Variants in TBC1D32 observed in about 807,000 individuals in gnomAD.
The protein encoded by TBC1D32 is TBC1 domain family member 32.
A neutral mutation model predicts 170.3 loss-of-function variants in TBC1D32; 151 were observed. The observed-to-expected ratio is 0.89, with a 90% CI of 0.78 to 1.01. TBC1D32 has a LOEUF of 1.01. TBC1D32 is among the 50% of genes least tolerant of loss of function. The probability of loss-of-function intolerance (pLI) is 0.00; values close to 1 mark genes in which losing one functional copy is unlikely to be tolerated. For missense variants in TBC1D32, 1,464 were observed against 1,457.1 expected (o/e 1.00, Z -0.08); for synonymous variants, 498 against 488.0 (o/e 1.02, Z -0.27).
chr6:121,144,199 T>A (rs1239691177), intron 24 of TBC1D32, among the ~76,000 whole-genome samples: 4 of 152,104 alleles, frequency 2.6e-5, no homozygotes, highest in Non-Finnish European at 2.9e-5. Flanking sequence ...AAATAAGGCT[T>A]AAGATAGTAC....
In TBC1D32 at chr6:121,321,491, G is replaced by A. The variant is rs78929676; in HGVS notation, c.317+142C>T. The A allele has an allele frequency of 5.5e-3, 4,114 of 752,600 alleles. 153 individuals carry two copies. In the African/African-American group the frequency reaches 0.067, roughly 12 times the overall value. The allele number at this position is 752,600 out of a possible 1,614,324, so 46.6% of individuals were successfully genotyped here. On this transcript the variant is annotated intron_variant, in intron 2 of 31. Transcript: ENST00000398212. The stretch of plus-strand genomic sequence containing the variant: ...AGCCTTTGGAGAGTCTGGGTGAAAG[G>A]GTGTCATGATCTGACTCATTGTTTT...
chr6:121,139,302 T>C (rs1029836118), intron 24 of TBC1D32, among the ~76,000 whole-genome samples: 2 of 152,230 alleles, frequency 1.3e-5, no homozygotes, highest in African/African-American at 4.8e-5. Flanking sequence ...TTTCATTATT[T>C]TATCAAAATG....
intron 31 of TBC1D32, 86 bp from the exon 32 acceptor site, chr6:121,080,976 T>A (rs555119428): frequency 6.7e-7 from 1 of 1,496,326 alleles, no homozygotes. Flanking sequence ...TGATATACCA[T>A]TTATTTTCAG....
chr6:121,092,899 C>G (rs1054808708), intron 30 of TBC1D32, among the ~76,000 whole-genome samples: 2 of 152,054 alleles, frequency 1.3e-5, no homozygotes, highest in Non-Finnish European at 2.9e-5. Flanking sequence ...TCAGCCTATA[C>G]CAGAGGGTAT....
At chr6:121,334,160 A>C (rs981309179) in intron 1 of TBC1D32, 116 bp downstream of exon 1, 1 of 793,592 alleles carries the variant, frequency 1.3e-6, no homozygotes, top group African/African-American at 1.8e-5. Flanking sequence ...AGAAAAAGTA[A>C]ACCTCCAAGT....
intron 24 of TBC1D32, among the ~76,000 whole-genome samples, chr6:121,153,066 G>A (rs1365917577): frequency 6.6e-6 from 1 of 152,094 alleles, no homozygotes; most frequent in African/African-American, 2.4e-5. Flanking sequence ...GTAATCCTTT[G>A]CAGGAGAAAA....
chr6:121,091,208 G>C (rs1271534720), intron 30 of TBC1D32, among the ~76,000 whole-genome samples, 167 bp from the exon 31 acceptor site: 1 of 152,068 alleles, frequency 6.6e-6, no homozygotes, highest in Non-Finnish European at 1.5e-5. Context: ...TCTCCTATTT[G>C]CTTCAGTTGT....
chr6:121,210,033 A>C (rs904205993), intron 21 of TBC1D32, among the ~76,000 whole-genome samples: 5 of 152,242 alleles, frequency 3.3e-5, no homozygotes, highest in Non-Finnish European at 1.5e-5. Flanking sequence ...AAAATTGTGT[A>C]TATTAAAGGA....
At chr6:121,130,457 G>A (rs555869802) in intron 25 of TBC1D32, among the ~76,000 whole-genome samples, 1 of 152,252 alleles carries the variant, frequency 6.6e-6, no homozygotes, top group South Asian at 2.1e-4. Flanking sequence ...ACTCCAGCCT[G>A]GACGACAGAG....
intron 22 of TBC1D32, among the ~76,000 whole-genome samples, chr6:121,188,289 A>G (rs1789468778): frequency 6.6e-6 from 1 of 152,170 alleles, no homozygotes; most frequent in Admixed American, 6.6e-5. Context: ...GTCTAGGGAT[A>G]TATTACTAGC....
At chr6:121,310,392 T>G (rs1808017611) in intron 4 of TBC1D32, among the ~76,000 whole-genome samples, 1 of 152,142 alleles carries the variant, frequency 6.6e-6, no homozygotes, top group African/African-American at 2.4e-5. Context: ...TTAAAAATAA[T>G]TATTTTAAAA....
intron 31 of TBC1D32, among the ~76,000 whole-genome samples, chr6:121,082,301 A>G (rs945511843): frequency 3.9e-5 from 6 of 152,060 alleles, no homozygotes; most frequent in African/African-American, 1.4e-4. Context: ...TGTCCCATTA[A>G]AAATATTTCA....
At chr6:121,185,719 A>T (rs1422966827) in intron 22 of TBC1D32, among the ~76,000 whole-genome samples, 1 of 151,362 alleles carries the variant, frequency 6.6e-6, no homozygotes, top group African/African-American at 2.4e-5. Flanking sequence ...TCTATCAAAC[A>T]TTATCTTACT....
At chr6:121,095,051 G>A (rs1224889661) in intron 30 of TBC1D32, among the ~76,000 whole-genome samples, 2 of 152,060 alleles carry the variant, frequency 1.3e-5, no homozygotes, top group Non-Finnish European at 2.9e-5. Flanking sequence ...GGAAAAAAAT[G>A]CTATTATCAA....
intron 17 of TBC1D32, among the ~76,000 whole-genome samples, chr6:121,249,383 G>A (rs1412202484): frequency 2.0e-5 from 3 of 151,944 alleles, no homozygotes; most frequent in Middle Eastern, 3.4e-3. Context: ...AAAGTTGAAA[G>A]CATTCCCCCT....
At chr6:121,207,332 A>G (rs1018674762) in intron 21 of TBC1D32, among the ~76,000 whole-genome samples, 12 of 152,180 alleles carry the variant, frequency 7.9e-5, no homozygotes, top group African/African-American at 2.9e-4. Context: ...AGCTCAAACT[A>G]TTTGATAGCC....
At chr6:121,104,876 T>G (rs2128190248) in intron 30 of TBC1D32, among the ~76,000 whole-genome samples, 1 of 151,936 alleles carries the variant, frequency 6.6e-6, no homozygotes, top group East Asian at 1.9e-4. Context: ...AATCTAAGTC[T>G]GATCCAAATT....
At chr6:121,152,059 T>A (rs1321242621) in intron 24 of TBC1D32, among the ~76,000 whole-genome samples, 3 of 152,226 alleles carry the variant, frequency 2.0e-5, no homozygotes, top group Non-Finnish European at 4.4e-5. Flanking sequence ...GCTAGCTGGT[T>A]ATTTTGCCCA....
chr6:121,199,966 A>T (rs2892765), intron 22 of TBC1D32, among the ~76,000 whole-genome samples: 1 of 151,090 alleles, frequency 6.6e-6, no homozygotes, highest in Non-Finnish European at 1.5e-5. Flanking sequence ...AGACTTTTTT[A>T]ACAAAGAAGC....
Sources: allele counts gnomAD v4.1 joint callset (sites outside exome capture counted in the v4.1 genomes callset), GRCh38; gene constraint gnomAD v4.1.1; transcripts MANE v1.5; gene names NCBI Gene and HGNC (gene_info 2026-07-23, HGNC 2026-07-21).